NOC4L: variants seen among roughly 807,000 people sequenced by gnomAD.
The protein encoded by NOC4L is nucleolar complex associated 4 homolog.
In NOC4L, 40 loss-of-function variants were observed where a neutral mutation model predicts 62.8. The observed-to-expected ratio is 0.64, with a 90% CI of 0.49 to 0.83. NOC4L has a LOEUF of 0.83. Ranked by LOEUF, NOC4L falls within the 40% of genes least tolerant of loss-of-function variation. The pLI, the probability that NOC4L is intolerant of heterozygous loss-of-function variation, is 0.00. For missense variants in NOC4L, 927 were observed against 701.9 expected (o/e 1.32, Z -3.62); for synonymous variants, 433 against 299.8 (o/e 1.44, Z -4.59).
Position 132,148,797 on chromosome 12 carries a change from T to G in NOC4L, c.803T>G (p.Leu268Arg), listed in dbSNP as rs757480431. 7 of 1,474,090 alleles carry G rather than the reference T, an allele frequency of 4.7e-6. No homozygotes were observed. Among genetic ancestry groups the G allele is most frequent in the Non-Finnish European group, 4.5e-6 (5 of 1,109,806 alleles). The allele number at this position is 1,474,090 out of a possible 1,614,324, so 91.3% of individuals were successfully genotyped here. ...GCCCCCGCCCAGCTGCCCCTCAGCC[T>G]CTACAAGAAGGTGCTGCTGATTGTG... ...SFLKHKLPLS[L>R]YKKVLLIVHD... Residue 268 changes from leucine to arginine, a missense_variant, in exon 9 of 15, where the codon CTC becomes CGC. Transcript: ENST00000330579.
chr12:132,148,951 C>T (rs752085510), intron 9 of NOC4L, 56 bp downstream of exon 9: 29 of 362,428 alleles, frequency 8.0e-5, no homozygotes, highest in East Asian at 3.7e-4. Flanking sequence ...TGAGTGCCGC[C>T]GCCTCACTCC....
chr12:132,152,040 C>CGGGGGGGG, intron 13 of NOC4L, 44 bp from the exon 14 acceptor site: 1 of 1,519,206 alleles, frequency 6.6e-7, no homozygotes, highest in Non-Finnish European at 8.9e-7. Context: ...GGGCACAGGG[C>CGGGGGGGG]GGGGGCCTGG....
chr12:132,151,761 C>T lies in NOC4L; in HGVS notation c.1258C>T (p.Pro420Ser), dbSNP rs770466147. 28 of 1,612,274 alleles carry T rather than the reference C, an allele frequency of 1.7e-5. No homozygotes were observed. Among genetic ancestry groups the T allele is most frequent in the Non-Finnish European group, 2.0e-5 (24 of 1,179,840 alleles). Reference sequence around the variant, plus strand: ...AGAGTTGGACGCCGACCCCTACGACCCTGGAGAGGAGGACCCAGCCCAGAG... The same window carrying T: ...AGAGTTGGACGCCGACCCCTACGACTCTGGAGAGGAGGACCCAGCCCAGAG... ...GPELDADPYD[P>S]GEEDPAQSRA... Residue 420 changes from proline (P) to serine (S), a missense_variant, in exon 13 of 15, where the codon CCT becomes TCT. Physicochemically the swap from Pro to Ser is moderately conservative, Grantham distance 74 (BLOSUM62 -1). Coordinates refer to ENST00000330579, the MANE Select transcript of NOC4L (RefSeq NM_024078.3).
chr12:132,145,001 C>T, intron 2 of NOC4L, 27 bp downstream of exon 2: 1 of 1,570,550 alleles, frequency 6.4e-7, no homozygotes, highest in Non-Finnish European at 8.6e-7. Flanking sequence ...CCCGGGGCTG[C>T]TCTTCTCTTT....
At chr12:132,146,213 C>T (rs954843639) in intron 3 of NOC4L, 4 of 455,486 alleles carry the variant, frequency 8.8e-6, no homozygotes, top group Non-Finnish European at 1.8e-5. Context: ...TGGTTACTTC[C>T]TGGATCAATG....
At chr12:132,145,475 T>A (rs1593426006) in intron 2 of NOC4L, 84 bp from the exon 3 acceptor site, 8 of 863,458 alleles carry the variant, frequency 9.3e-6, no homozygotes, top group Non-Finnish European at 1.5e-5. Flanking sequence ...AATGGGAGGG[T>A]GGAGCCAGGC....
intron 2 of NOC4L, 129 bp from the exon 3 acceptor site, chr12:132,145,430 G>A: frequency 1.6e-6 from 1 of 619,304 alleles, no homozygotes; most frequent in Non-Finnish European, 2.8e-6. Flanking sequence ...GGGCCTTAGC[G>A]ACCTGTTTCC....
In NOC4L at chr12:132,151,610, C is replaced by T. The variant is rs200662326; in HGVS notation, c.1200C>T (p.Ala400=). The change falls in exon 12 of 15, where the codon GCC becomes GCT. Residue 400 remains alanine (A), a synonymous_variant. Coordinates refer to ENST00000330579, the MANE Select transcript of NOC4L (RefSeq NM_024078.3). ...FICNLLRRHP[A]CRVLVHRPHG... is the part of the protein sequence containing the mutation. ...GTAACCTGCTGCGCCGGCACCCTGCCTGCCGGGTCCTCGTGCACCGTCCAC... is the reference window on the plus strand; with the variant it reads ...GTAACCTGCTGCGCCGGCACCCTGCTTGCCGGGTCCTCGTGCACCGTCCAC... The T allele has an allele frequency of 5.2e-4, 832 of 1,611,738 alleles. 7 individuals carry two copies. In the East Asian group the frequency reaches 0.017, roughly 32 times the overall value.
intron 13 of NOC4L, 82 bp from the exon 14 acceptor site, chr12:132,152,002 G>C (rs1873003554): frequency 1.6e-5 from 22 of 1,406,126 alleles, no homozygotes; most frequent in Non-Finnish European, 2.0e-5. Context: ...GCCCACTCTG[G>C]TTGGGAGCAC....
At chr12:132,150,902 A>G (rs1897909592) in intron 9 of NOC4L, 79 bp from the exon 10 acceptor site, 1 of 1,064,448 alleles carries the variant, frequency 9.4e-7, no homozygotes, top group Admixed American at 2.0e-5. Flanking sequence ...CACACTCCAC[A>G]GACTTACACT....
chr12:132,151,414 G>A, intron 11 of NOC4L, 46 bp downstream of exon 11: 2 of 1,602,786 alleles, frequency 1.2e-6, no homozygotes, highest in South Asian at 1.1e-5. Context: ...TGCGGCTGCA[G>A]CCTGGGGCCA....
At chr12:132,146,080 G>A (rs1897708618) in intron 3 of NOC4L, among the ~76,000 whole-genome samples, 1 of 152,154 alleles carries the variant, frequency 6.6e-6, no homozygotes, top group African/African-American at 2.4e-5. Flanking sequence ...ACTGTGTTGT[G>A]CAGTGGTTGC....
intron 8 of NOC4L, 30 bp downstream of exon 8, chr12:132,148,689 G>C (rs971513456): frequency 1.6e-5 from 24 of 1,530,734 alleles, no homozygotes; most frequent in Middle Eastern, 2.0e-4. Flanking sequence ...GGGGGCGGGG[G>C]CGGCATCCGG....
chr12:132,148,678 AG>A lies in NOC4L; in HGVS notation c.789+24del. On this transcript the variant is annotated intron_variant, in intron 8 of 14. Coordinates refer to ENST00000330579, the MANE Select transcript of NOC4L (RefSeq NM_024078.3). The stretch of plus-strand genomic sequence containing the variant: ...GCACAAGGTAGGGGCCAGGCCGGGG[AG>A]GGGGCGGGGGCGGCATCCGGGTCTC... 5.5e-6 allele frequency: 2 copies of A among 361,894 alleles called. No homozygotes were observed. Among genetic ancestry groups the A allele is most frequent in the Admixed American group, 6.3e-5 (1 of 15,774 alleles). The allele number at this position is 361,894 out of a possible 1,614,324, so 22.4% of individuals were successfully genotyped here.
intron 11 of NOC4L, 40 bp from the exon 12 acceptor site, chr12:132,151,444 A>G (rs11246947): frequency 0.31 from 502,642 of 1,599,658 alleles, 80,347 homozygotes; most frequent in African/African-American, 0.42. Context: ...GGTGGGGGCT[A>G]GCAGTCCGGG....
At position 132,152,407 on chromosome 12, in the gene NOC4L, G is replaced by A; in HGVS notation, c.*6G>A. 6.4e-7 allele frequency: 1 copy of A among 1,571,448 alleles called. No individual in the cohort carries two copies. Reference sequence around the variant, plus strand: ...AGCACTTCACGCTCAGCTGACCCTGGCCCACCTGTGAATAAATCTCAGCTG... The same window carrying A: ...AGCACTTCACGCTCAGCTGACCCTGACCCACCTGTGAATAAATCTCAGCTG... On this transcript the variant is annotated 3_prime_UTR_variant, in exon 15 of 15. Transcript: ENST00000330579.
intron 3 of NOC4L, among the ~76,000 whole-genome samples, chr12:132,146,888 G>C (rs1231959300): frequency 2.0e-5 from 3 of 152,118 alleles, no homozygotes; most frequent in African/African-American, 7.2e-5. Context: ...CGAGATGAGA[G>C]CTTCCAAGCC....
chr12:132,148,002 G>T lies in NOC4L; in HGVS notation c.703+23G>T, dbSNP rs759403506. ...CGGGTGAGTGTGCTGAGAGTCAGGG[G>T]CGGACAGGGCTGAGCCTTGGTCTGC... On this transcript the variant is annotated intron_variant, in intron 6 of 14. Coordinates refer to ENST00000330579, the MANE Select transcript of NOC4L (RefSeq NM_024078.3). 1.2e-5 allele frequency: 20 copies of T among 1,612,394 alleles called. 1 individual carries two copies. The highest frequency in any genetic ancestry group is 1.6e-4 in the Middle Eastern group (1 of 6,078).
chr12:132,148,539 GC>G (rs1366593209), intron 7 of NOC4L, 69 bp from the exon 8 acceptor site: 2 of 1,519,336 alleles, frequency 1.3e-6, no homozygotes, highest in African/African-American at 2.8e-5. Context: ...GCTTCGGGGT[GC>G]CCTGGCAGCT....
Sources: allele counts gnomAD v4.1 joint callset (sites outside exome capture counted in the v4.1 genomes callset), GRCh38; gene constraint gnomAD v4.1.1; transcripts MANE v1.5; gene names NCBI Gene and HGNC (gene_info 2026-07-23, HGNC 2026-07-21).